The following BEAN1 variants were observed in gnomAD, a reference collection of about 807,000 sequenced individuals.
The protein encoded by BEAN1 is brain expressed associated with NEDD4 1.
Under a neutral mutation model 17.7 loss-of-function variants are expected in BEAN1, and 17 were observed. The ratio of observed to expected loss-of-function variants is 0.96; its 90% confidence interval spans 0.66 to 1.44. The LOEUF is 1.44. Among genes scored for constraint, BEAN1 ranks in the 40% most tolerant of loss-of-function variants. The pLI, the probability that BEAN1 is intolerant of heterozygous loss-of-function variation, is 0.00. For missense variants in BEAN1, 359 were observed against 374.1 expected (o/e 0.96, Z 0.33); for synonymous variants, 142 against 151.8 (o/e 0.94, Z 0.47).
At chr16:66,451,877 A>C (rs1380268505) in intron 2 of BEAN1, among the ~76,000 whole-genome samples, 1 of 152,212 alleles carries the variant, frequency 6.6e-6, no homozygotes, top group Non-Finnish European at 1.5e-5. Flanking sequence ...TGGCTGCCCA[A>C]GGAAGGTGGC....
At chr16:66,464,537 TTTACCATG>T (rs1208139376) in intron 2 of BEAN1, among the ~76,000 whole-genome samples, 3 of 152,046 alleles carry the variant, frequency 2.0e-5, no homozygotes, top group African/African-American at 7.2e-5. Flanking sequence ...AGAGACGGAT[TTTACCATG>T]TTGGCTAGGC....
intron 2 of BEAN1, among the ~76,000 whole-genome samples, chr16:66,450,480 C>T (rs573296684): frequency 6.6e-5 from 10 of 152,190 alleles, no homozygotes; most frequent in African/African-American, 2.4e-4. Flanking sequence ...CTTTGGGAGG[C>T]CGAAACGGGA....
At chr16:66,488,413 G>A (rs947449272) in intron 4 of BEAN1, among the ~76,000 whole-genome samples, 1 of 151,178 alleles carries the variant, frequency 6.6e-6, no homozygotes, top group African/African-American at 2.4e-5. Flanking sequence ...AGGTGTGGTG[G>A]CTCACACCTA....
chr16:66,455,234 T>A (rs1272101887), intron 2 of BEAN1, among the ~76,000 whole-genome samples: 1 of 152,214 alleles, frequency 6.6e-6, no homozygotes, highest in Non-Finnish European at 1.5e-5. Context: ...TTACCACTTC[T>A]GGGTACATCC....
intron 2 of BEAN1, among the ~76,000 whole-genome samples, chr16:66,468,674 A>G (rs575509331): frequency 1.5e-3 from 225 of 152,280 alleles, no homozygotes; most frequent in African/African-American, 5.2e-3. Flanking sequence ...GTTGCATCCT[A>G]AGTTGCAGGG....
chr16:66,469,558 G>C (rs1408878224), intron 2 of BEAN1, 44 bp from the exon 3 acceptor site: 1 of 1,499,380 alleles, frequency 6.7e-7, no homozygotes, highest in African/African-American at 1.4e-5. Context: ...AAGGGGTGTG[G>C]CAGGCCTGGG....
chr16:66,472,845 C>A (rs551333931), intron 3 of BEAN1, among the ~76,000 whole-genome samples: 1 of 152,046 alleles, frequency 6.6e-6, no homozygotes, highest in South Asian at 2.1e-4. Flanking sequence ...CACAGCAAGA[C>A]CCCATCTCTA....
At chr16:66,477,142 C>T (rs148542399) in intron 3 of BEAN1, among the ~76,000 whole-genome samples, 356 of 152,290 alleles carry the variant, frequency 2.3e-3, no homozygotes, top group African/African-American at 8.0e-3. Flanking sequence ...GCCTTCCCCT[C>T]TTCCCCTGGT....
chr16:66,485,795 C>T (rs1964081453), downstream of BEAN1: 1 of 156,200 alleles, frequency 6.4e-6, no homozygotes, highest in Non-Finnish European at 1.4e-5. Context: ...CCACAGCCCA[C>T]CCCAAGGCTG....
intron 2 of BEAN1, among the ~76,000 whole-genome samples, chr16:66,440,320 T>G (rs1417795389): frequency 6.6e-6 from 1 of 151,758 alleles, no homozygotes; most frequent in African/African-American, 2.4e-5. Context: ...TTAATAGAGA[T>G]AGGGTTTCAT....
rs1035133812 is a variant in BEAN1, at chr16:66,481,681, C to T, written c.*756C>T. Reference sequence around the variant, plus strand: ...CCCCAGGTAGATGGGCAGGGCCCTCCGTGGGTGTGCAGCGGCGGTTCCCTC... The same window carrying T: ...CCCCAGGTAGATGGGCAGGGCCCTCTGTGGGTGTGCAGCGGCGGTTCCCTC... On this transcript the variant is annotated 3_prime_UTR_variant, in exon 5 of 5. Coordinates refer to ENST00000536005, the MANE Select transcript of BEAN1 (RefSeq NM_001178020.3). The surrounding 1 kb of genome is among the most constrained non-coding windows in gnomAD (Gnocchi z 4.1). 4 of 159,564 alleles carry T rather than the reference C, an allele frequency of 2.5e-5. No homozygotes were observed. Among genetic ancestry groups the T allele is most frequent in the African/African-American group, 9.6e-5 (4 of 41,816 alleles). 9.9% of individuals were successfully genotyped at this position (159,564 alleles called of 1,614,324 possible).
At chr16:66,449,394 G>A (rs1962582189) in intron 2 of BEAN1, among the ~76,000 whole-genome samples, 1 of 152,148 alleles carries the variant, frequency 6.6e-6, no homozygotes, top group African/African-American at 2.4e-5. Context: ...GATCACCTGA[G>A]ATCGGGAGTT....
rs186052234 is a variant in BEAN1 at position 66,452,268 on chromosome 16, C to T, written c.25+14567C>T. 6.0e-4 allele frequency among the ~76,000 whole-genome samples: 92 copies of T among 152,312 alleles called. 1 individual carries two copies. Among genetic ancestry groups the T allele is most frequent in the South Asian group, 3.9e-3 (19 of 4,828 alleles). ...ATAGATTTCCTGATCTTAAATCATC[C>T]TTGCATTTCTGGAATAAGCCCTAGT... On this transcript the variant is annotated intron_variant, in intron 2 of 4. Transcript: ENST00000536005.
chr16:66,462,208 AG>A (rs1299515586), intron 2 of BEAN1, among the ~76,000 whole-genome samples: 4 of 152,256 alleles, frequency 2.6e-5, no homozygotes, highest in Non-Finnish European at 5.9e-5. Context: ...TTTGCCTACA[AG>A]AAAAAGATGG....
intron 2 of BEAN1, among the ~76,000 whole-genome samples, chr16:66,446,076 G>A (rs538031260): frequency 5.9e-5 from 9 of 152,072 alleles, no homozygotes; most frequent in South Asian, 2.1e-4. Context: ...CCAGCTACTC[G>A]GGAGGCTGAG....
chr16:66,437,931 C>A, intron 2 of BEAN1: 1 of 632,948 alleles, frequency 1.6e-6, no homozygotes, highest in South Asian at 1.8e-5. Flanking sequence ...CTGTATCAGC[C>A]CTTCCCGAAG....
intron 2 of BEAN1, among the ~76,000 whole-genome samples, chr16:66,449,330 G>C (rs569958465): frequency 1.3e-5 from 2 of 151,904 alleles, no homozygotes; most frequent in African/African-American, 4.8e-5. Context: ...TTCATGGGCC[G>C]GGTGCAGTGG....
chr16:66,429,460 C>T (rs535401474), intron 1 of BEAN1, among the ~76,000 whole-genome samples: 1 of 146,964 alleles, frequency 6.8e-6, no homozygotes, highest in Non-Finnish European at 1.5e-5. Context: ...TGGCAAGGAG[C>T]GGGTGGGCGG....
chr16:66,480,579 C>A lies in BEAN1; in HGVS notation c.441-7C>A. ...GTGGGGCACTGAGGGAGCCTCTTCT[C>A]TCGTAGCTACGAGGAGTGTGTGGGG... is the stretch of plus-strand genomic sequence containing the variant. On this transcript the variant is annotated splice_polypyrimidine_tract_variant and splice_region_variant and intron_variant, in intron 4 of 4. Coordinates refer to ENST00000536005, the MANE Select transcript of BEAN1 (RefSeq NM_001178020.3). 6.6e-7 allele frequency: 1 copy of A among 1,520,964 alleles called. No individual in the cohort carries two copies. 94.2% of individuals were successfully genotyped at this position (1,520,964 alleles called of 1,614,324 possible).
Sources: allele counts gnomAD v4.1 joint callset (sites outside exome capture counted in the v4.1 genomes callset), GRCh38; gene constraint gnomAD v4.1.1; non-coding constraint Gnocchi (gnomAD v3.1); transcripts MANE v1.5; gene names NCBI Gene and HGNC (gene_info 2026-07-23, HGNC 2026-07-21).